PROS1: variants seen among roughly 807,000 people sequenced by gnomAD.
PROS1 encodes vitamin K-dependent protein S.
In PROS1, 29 loss-of-function variants were observed where a neutral mutation model predicts 75.9. The observed-to-expected ratio is 0.38, with a 90% CI of 0.28 to 0.52. The LOEUF (loss-of-function observed/expected upper bound fraction) is 0.52. Among genes scored for constraint, PROS1 ranks in the 20% least tolerant of loss-of-function variants. The pLI is 0.83. For missense variants in PROS1, 680 were observed against 810.3 expected, an observed-to-expected ratio of 0.84 and a Z score of 1.95; for synonymous variants, 245 against 280.6, an observed-to-expected ratio of 0.87 and a Z score of 1.27.
chr3:93,895,973 T>A (rs890554376), intron 9 of PROS1, among the ~76,000 whole-genome samples: 21 of 151,868 alleles, frequency 1.4e-4, no homozygotes, highest in African/African-American at 4.4e-4. Context: ...CAAAAATAAA[T>A]AAATATAATA....
chr3:93,895,077 C>T (rs1708481158), intron 9 of PROS1, among the ~76,000 whole-genome samples: 1 of 152,080 alleles, frequency 6.6e-6, no homozygotes, highest in South Asian at 2.1e-4. Context: ...CTATGCACAT[C>T]CTCTCACGTA....
At chr3:93,880,512 A>G (rs1708261358) in intron 12 of PROS1, among the ~76,000 whole-genome samples, 1 of 152,168 alleles carries the variant, frequency 6.6e-6, no homozygotes, top group African/African-American at 2.4e-5. Context: ...TCTCCAAAAA[A>G]AAAAGAATGT....
chr3:93,962,201 G>C (rs995241134), intron 1 of PROS1, among the ~76,000 whole-genome samples: 3 of 151,964 alleles, frequency 2.0e-5, no homozygotes, highest in East Asian at 1.9e-4. Context: ...ACAAAAACTG[G>C]GGTGTGTGTA....
intron 1 of PROS1, among the ~76,000 whole-genome samples, chr3:93,941,705 C>T (rs1294956015): frequency 6.6e-6 from 1 of 152,182 alleles, no homozygotes. Flanking sequence ...ACCAGGACCA[C>T]ACCTTGTAGC....
chr3:93,964,591 T>C (rs1709759419), intron 1 of PROS1, among the ~76,000 whole-genome samples: 2 of 152,220 alleles, frequency 1.3e-5, no homozygotes, highest in South Asian at 4.1e-4. Context: ...CAAGACAATA[T>C]GTGCACCACG....
chr3:93,929,984 A>G (rs1709081563), intron 1 of PROS1, among the ~76,000 whole-genome samples: 1 of 152,238 alleles, frequency 6.6e-6, no homozygotes, highest in Non-Finnish European at 1.5e-5. Context: ...CAATAGAAGA[A>G]AGAAAAAAGC....
At chr3:93,899,612 G>A (rs748507733) in intron 7 of PROS1, among the ~76,000 whole-genome samples, 6 of 152,072 alleles carry the variant, frequency 3.9e-5, no homozygotes, top group Non-Finnish European at 7.4e-5. Flanking sequence ...AATGTGTTGC[G>A]GGGGCTGGCA....
rs537866802 is a variant in PROS1 at position 93,889,274 on chromosome 3, C to T, written c.1156-2771G>A. ...TATTTTTTCATGCATTTGTTGTTTG[C>T]GTCTCACCATTAGAACGCAAGCTCC... On this transcript the variant is annotated intron_variant, in intron 10 of 14. Coordinates refer to ENST00000394236, the MANE Select transcript of PROS1 (RefSeq NM_000313.4). Among the ~76,000 whole-genome samples, 165 of 152,026 alleles carry T rather than the reference C, an allele frequency of 1.1e-3. 1 individual carries two copies. Among genetic ancestry groups the T allele is most frequent in the Admixed American group, 3.7e-3 (57 of 15,254 alleles).
rs571259967 is a variant in PROS1, at chr3:93,892,166, C to A, written c.1155+767G>T. 1.7e-3 allele frequency among the ~76,000 whole-genome samples: 252 copies of A among 152,050 alleles called. 1 individual carries two copies. In the Middle Eastern group the frequency reaches 0.017, roughly 10 times the overall value. On this transcript the variant is annotated intron_variant, in intron 10 of 14. Coordinates refer to ENST00000394236, the MANE Select transcript of PROS1 (RefSeq NM_000313.4). ...CCAACATGGTGAAAACCTGTCTCTA[C>A]TAAAATTACAAAAATTAGCCAGGTA...
intron 11 of PROS1, among the ~76,000 whole-genome samples, chr3:93,886,015 CATG>C (rs1400136666): frequency 6.6e-6 from 1 of 152,072 alleles, no homozygotes; most frequent in African/African-American, 2.4e-5. Flanking sequence ...TATGGATTAT[CATG>C]ATGTTAACAC....
intron 1 of PROS1, among the ~76,000 whole-genome samples, chr3:93,947,038 A>C (rs1402864669): frequency 6.6e-6 from 1 of 152,204 alleles, no homozygotes; most frequent in East Asian, 1.9e-4. Context: ...AAAAGAAGAC[A>C]TTTATGCAGC....
At chr3:93,893,596 T>C (rs1708462319) in intron 9 of PROS1, among the ~76,000 whole-genome samples, 2 of 152,172 alleles carry the variant, frequency 1.3e-5, no homozygotes, top group African/African-American at 2.4e-5. Flanking sequence ...TGTGTTACAA[T>C]TTCATCGTTG....
chr3:93,969,443 T>A (rs1466586006), intron 1 of PROS1, among the ~76,000 whole-genome samples: 5 of 152,232 alleles, frequency 3.3e-5, no homozygotes, highest in African/African-American at 1.2e-4. Flanking sequence ...CTTCCCAGCA[T>A]CCATTCTTTT....
At chr3:93,950,867 G>A (rs537497855) in intron 1 of PROS1, among the ~76,000 whole-genome samples, 21 of 152,108 alleles carry the variant, frequency 1.4e-4, no homozygotes, top group Non-Finnish European at 2.8e-4. Context: ...GGCTTCAGAC[G>A]ATCAGTAACA....
intron 1 of PROS1, among the ~76,000 whole-genome samples, chr3:93,969,378 G>C (rs1336381259): frequency 6.6e-6 from 1 of 152,186 alleles, no homozygotes; most frequent in Admixed American, 6.5e-5. Flanking sequence ...AAGGGCAAGT[G>C]TATTTGTTAG....
Position 93,967,131 on chromosome 3 carries a change from G to A in PROS1, c.76+6543C>T, listed in dbSNP as rs377237065. On this transcript the variant is annotated intron_variant, in intron 1 of 14. Transcript: ENST00000394236. Reference sequence around the variant, plus strand: ...GCCACATGAACTTTCCTTCACTAAGGCCCACCCAGACTCTCCTTATAAAAG... The same window carrying A: ...GCCACATGAACTTTCCTTCACTAAGACCCACCCAGACTCTCCTTATAAAAG... 4.6e-5 allele frequency among the ~76,000 whole-genome samples: 7 copies of A among 152,182 alleles called. No homozygotes were observed. In the East Asian group the frequency reaches 9.6e-4, roughly 21 times the overall value.
At position 93,949,896 on chromosome 3, in the gene PROS1, G is replaced by A. The variant is rs564740640; in HGVS notation, c.77-22489C>T. On this transcript the variant is annotated intron_variant, in intron 1 of 14. Transcript: ENST00000394236. The stretch of plus-strand genomic sequence containing the variant: ...AAGCAGGGGGGGCATTGCCTCACCC[G>A]GGAAGTGCAAGGGGTCGGGGAATTC... Among the ~76,000 whole-genome samples the A allele has an allele frequency of 3.6e-4, 55 of 152,272 alleles. 2 individuals are homozygous for A. The highest frequency in any genetic ancestry group is 6.8e-3 in the Middle Eastern group (2 of 294).
chr3:93,877,126 A>G lies in PROS1; in HGVS notation c.1710T>C (p.Asp570=), dbSNP rs1344058013. 6.2e-7 allele frequency: 1 copy of G among 1,612,732 alleles called. No individual in the cohort carries two copies. The highest frequency in any genetic ancestry group is 1.3e-5 in the African/African-American group (1 of 74,880). Residue 570 remains aspartate (D), a synonymous_variant, in exon 14 of 15, where the codon GAT becomes GAC. Transcript: ENST00000394236. ...CTCTAAATTCCAGATGAGATTGTTG[A>G]TCGGAACATAGACTTAGGGCCTGTA... The part of the protein sequence containing the change: ...YRIQALSLCS[D]QQSHLEFRVN...
chr3:93,924,086 T>C (rs1030528302), intron 3 of PROS1, among the ~76,000 whole-genome samples, 154 bp downstream of exon 3: 1 of 152,136 alleles, frequency 6.6e-6, no homozygotes, highest in Admixed American at 6.5e-5. Flanking sequence ...ATGTGTTAAA[T>C]ATAAAGACAG....
Sources: allele counts gnomAD v4.1 joint callset (sites outside exome capture counted in the v4.1 genomes callset), GRCh38; gene constraint gnomAD v4.1.1; transcripts MANE v1.5; gene names NCBI Gene and HGNC (gene_info 2026-07-23, HGNC 2026-07-21).